The following GPC6 variants were observed in gnomAD, a reference collection of about 807,000 sequenced individuals.
GPC6 encodes the protein glypican 6.
In GPC6, 14 loss-of-function variants were observed where a neutral mutation model predicts 55.2. The observed-to-expected ratio is 0.25, with a 90% CI of 0.17 to 0.40. GPC6 has a LOEUF of 0.40. Ranked by LOEUF, GPC6 falls within the 10% of genes least tolerant of loss-of-function variation. The pLI, the probability that GPC6 is intolerant of heterozygous loss-of-function variation, is 1.00. For synonymous variants in GPC6, 278 were observed against 259.6 expected, an observed-to-expected ratio of 1.07 and a Z score of -0.68; for missense variants, 641 against 708.5, an observed-to-expected ratio of 0.90 and a Z score of 1.08.
intron 1 of GPC6, among the ~76,000 whole-genome samples, chr13:93,527,453 T>C (rs765287926): frequency 6.6e-6 from 1 of 152,158 alleles, no homozygotes; most frequent in South Asian, 2.1e-4. Context: ...CTTCAGAGAC[T>C]CTGAACTCCT....
chr13:93,277,638 A>C (rs1359329942), intron 1 of GPC6, among the ~76,000 whole-genome samples: 1 of 152,198 alleles, frequency 6.6e-6, no homozygotes, highest in Non-Finnish European at 1.5e-5. Context: ...CTCTGTGGAC[A>C]AAGACAGTGG....
chr13:93,951,519 A>G (rs377608337), intron 3 of GPC6, among the ~76,000 whole-genome samples: 19 of 152,328 alleles, frequency 1.2e-4, no homozygotes, highest in African/African-American at 4.6e-4. Context: ...CCAGACCTAT[A>G]CATTTTATTT....
chr13:94,189,858 A>G (rs1429580106), intron 4 of GPC6, among the ~76,000 whole-genome samples: 2 of 152,038 alleles, frequency 1.3e-5, no homozygotes, highest in East Asian at 3.9e-4. Flanking sequence ...CGTCTCTACT[A>G]AAAATACAAA....
chr13:93,803,782 A>G (rs183411847), intron 2 of GPC6, among the ~76,000 whole-genome samples: 2 of 152,308 alleles, frequency 1.3e-5, no homozygotes, highest in East Asian at 3.9e-4. Flanking sequence ...ACATGCTGCA[A>G]TATGGATGAA....
At chr13:93,296,845 C>T (rs138005214) in intron 1 of GPC6, among the ~76,000 whole-genome samples, 74 of 152,238 alleles carry the variant, frequency 4.9e-4, no homozygotes, top group Non-Finnish European at 9.1e-4. Flanking sequence ...GCCTCAGGTA[C>T]GAGGTGGAGG....
At chr13:93,268,074 T>A (rs1452839035) in intron 1 of GPC6, among the ~76,000 whole-genome samples, 1 of 152,250 alleles carries the variant, frequency 6.6e-6, no homozygotes, top group East Asian at 1.9e-4. Flanking sequence ...TATATTTGCA[T>A]AGTTTTCTCA....
intron 2 of GPC6, among the ~76,000 whole-genome samples, chr13:93,787,974 G>A (rs1885867709): frequency 1.3e-5 from 2 of 152,132 alleles, no homozygotes; most frequent in South Asian, 4.2e-4. Context: ...CAGAGATTAG[G>A]AAATCACTGA....
intron 2 of GPC6, among the ~76,000 whole-genome samples, chr13:93,580,397 T>A (rs1367458374): frequency 6.6e-6 from 1 of 152,188 alleles, no homozygotes; most frequent in Non-Finnish European, 1.5e-5. Flanking sequence ...AACCTACAGA[T>A]TTGTATTTAA....
At chr13:93,728,621 C>T (rs898852344) in intron 2 of GPC6, among the ~76,000 whole-genome samples, 2 of 151,758 alleles carry the variant, frequency 1.3e-5, no homozygotes, top group Non-Finnish European at 2.9e-5. Flanking sequence ...GGCTGGAGTG[C>T]AGTGGTACAA....
chr13:93,728,916 T>C (rs531478636), intron 2 of GPC6, among the ~76,000 whole-genome samples: 1 of 152,302 alleles, frequency 6.6e-6, no homozygotes, highest in African/African-American at 2.4e-5. Context: ...ACTTTGCTTT[T>C]CTAGATCAGC....
chr13:93,656,642 A>G (rs1355050275), intron 2 of GPC6, among the ~76,000 whole-genome samples: 3 of 152,162 alleles, frequency 2.0e-5, no homozygotes, highest in Admixed American at 6.5e-5. Flanking sequence ...ATGGCTATCA[A>G]TCTGAACTAG....
rs571573168 is a variant in GPC6 at position 94,105,614 on chromosome 13, G to C, written c.877+77720G>C. Among the ~76,000 whole-genome samples, 3 of 152,160 alleles carry C rather than the reference G, an allele frequency of 2.0e-5. No homozygotes were observed. The East Asian group carries it at 5.8e-4, about 29-fold the overall frequency. On this transcript the variant is annotated intron_variant, in intron 4 of 8. Coordinates refer to ENST00000377047, the MANE Select transcript of GPC6 (RefSeq NM_005708.5). ...TGAAGGAAGGTGAGAGAGAGCATAT[G>C]GGAAGTGAAAACATTAAATTCAGGA... is the stretch of plus-strand genomic sequence containing the variant.
chr13:94,030,839 G>C (rs576870197), intron 4 of GPC6, among the ~76,000 whole-genome samples: 1 of 152,156 alleles, frequency 6.6e-6, no homozygotes, highest in African/African-American at 2.4e-5. Context: ...AGTCAAACTG[G>C]GGGCACATCC....
chr13:93,460,700 G>A lies in GPC6; in HGVS notation c.161-84563G>A, dbSNP rs927229563. ...GTCAATATTTCTCTGGAAGTTTATG[G>A]CCAAAACCATACTTTGAGGCAAATA... On this transcript the variant is annotated intron_variant, in intron 1 of 8. Coordinates refer to ENST00000377047, the MANE Select transcript of GPC6 (RefSeq NM_005708.5). Among the ~76,000 whole-genome samples, 4 of 151,986 alleles carry A rather than the reference G, an allele frequency of 2.6e-5. No individual in the cohort carries two copies. The East Asian group carries it at 7.7e-4, about 29-fold the overall frequency.
chr13:93,227,453 C>T lies in GPC6; in HGVS notation c.-4C>T. On this transcript the variant is annotated 5_prime_UTR_variant, in exon 1 of 9. Coordinates refer to ENST00000377047, the MANE Select transcript of GPC6 (RefSeq NM_005708.5). This position sits in a 1 kb window ranked among gnomAD's most constrained non-coding sequence, Gnocchi z 4.3. ...TTTACCGAGCTGGATTTGTATGTTG[C>T]ACCATGCCTTCTTGGATCGGGGCTG... is the stretch of plus-strand genomic sequence containing the variant. 1 of 1,613,722 alleles carries T rather than the reference C, an allele frequency of 6.2e-7. No homozygotes were observed. The highest frequency in any genetic ancestry group is 1.3e-5 in the African/African-American group (1 of 75,062).
Position 93,257,538 on chromosome 13 carries a change from A to G in GPC6, c.160+29922A>G, listed in dbSNP as rs146496224. Among the ~76,000 whole-genome samples the G allele has an allele frequency of 6.4e-4, 98 of 152,366 alleles. No individual in the cohort carries two copies. The East Asian group carries it at 0.017, about 27-fold the overall frequency. On this transcript the variant is annotated intron_variant, in intron 1 of 8. Coordinates refer to ENST00000377047, the MANE Select transcript of GPC6 (RefSeq NM_005708.5). ...AAGAGGCTTCATGTTGCAACACTGC[A>G]TATATGTTCTGATAAAACAGAACAT... is the stretch of plus-strand genomic sequence containing the variant.
intron 2 of GPC6, among the ~76,000 whole-genome samples, chr13:93,580,360 A>C (rs879902691): frequency 1.3e-5 from 2 of 152,228 alleles, no homozygotes; most frequent in Non-Finnish European, 2.9e-5. Context: ...GGGGAAACAA[A>C]CATTTAGTTT....
intron 1 of GPC6, among the ~76,000 whole-genome samples, chr13:93,418,884 T>C (rs1327431805): frequency 3.3e-5 from 5 of 150,406 alleles, no homozygotes; most frequent in Non-Finnish European, 5.9e-5. Flanking sequence ...CATAGTATTA[T>C]TTTATTAATG....
At chr13:94,282,994 G>T (rs972995732) in intron 4 of GPC6, among the ~76,000 whole-genome samples, 3 of 152,168 alleles carry the variant, frequency 2.0e-5, no homozygotes, top group Non-Finnish European at 4.4e-5. Context: ...ATGCAGCTTT[G>T]TATCTCTCAC....
Sources: gnomAD v4.1 joint callset for allele counts (sites outside exome capture counted in the v4.1 genomes callset) on GRCh38, gnomAD v4.1.1 for gene constraint, Gnocchi (gnomAD v3.1) non-coding constraint, MANE v1.5 for transcripts, NCBI Gene and HGNC (gene_info 2026-07-23, HGNC 2026-07-21) for gene names.